GSK3B: variants seen among roughly 807,000 people sequenced by gnomAD.
GSK3B encodes glycogen synthase kinase 3 beta, also known as glycogen synthase kinase-3 beta.
In GSK3B, 15 loss-of-function variants were observed where a neutral mutation model predicts 56.4. The ratio of observed to expected loss-of-function variants is 0.27; its 90% confidence interval spans 0.18 to 0.41. The LOEUF (loss-of-function observed/expected upper bound fraction) is 0.41, where lower values mean the gene tolerates loss of function less well. Among genes scored for constraint, GSK3B ranks in the 10% least tolerant of loss-of-function variants. The probability of loss-of-function intolerance (pLI) is 1.00; values close to 1 mark genes in which losing one functional copy is unlikely to be tolerated. For synonymous variants in GSK3B, 181 were observed against 188.9 expected (o/e 0.96, Z 0.34); for missense variants, 300 against 513.4 (o/e 0.58, Z 4.02).
At chr3:120,087,250 C>T (rs1368998730) in intron 1 of GSK3B, among the ~76,000 whole-genome samples, 1 of 152,136 alleles carries the variant, frequency 6.6e-6, no homozygotes, top group Non-Finnish European at 1.5e-5. Flanking sequence ...CAATTTAGTT[C>T]GGCCACATGT....
At chr3:120,007,625 A>G (rs2057740861) in intron 1 of GSK3B, among the ~76,000 whole-genome samples, 1 of 152,246 alleles carries the variant, frequency 6.6e-6, no homozygotes, top group Non-Finnish European at 1.5e-5. Flanking sequence ...ATGCAAATCA[A>G]TAAATGTAAT....
intron 7 of GSK3B, among the ~76,000 whole-genome samples, chr3:119,886,762 A>C (rs1301549771): frequency 6.6e-6 from 1 of 152,174 alleles, no homozygotes; most frequent in Non-Finnish European, 1.5e-5. Flanking sequence ...AAATTACTGC[A>C]AGAATAGAAA....
intron 5 of GSK3B, 139 bp downstream of exon 5, chr3:119,915,905 C>T: frequency 1.8e-6 from 1 of 566,412 alleles, no homozygotes; most frequent in Admixed American, 3.3e-5. Context: ...CAAAACTACT[C>T]TCACAGCTGC....
intron 7 of GSK3B, among the ~76,000 whole-genome samples, chr3:119,904,769 G>C (rs557244034): frequency 6.6e-6 from 1 of 152,062 alleles, no homozygotes; most frequent in African/African-American, 2.4e-5. Context: ...CCATTTGTTA[G>C]GAATGTAACT....
chr3:119,880,034 G>A (rs957044167), intron 7 of GSK3B, among the ~76,000 whole-genome samples: 31 of 151,904 alleles, frequency 2.0e-4, no homozygotes, highest in Non-Finnish European at 3.8e-4. Context: ...GTTTTTTTAG[G>A]AGCCTCCAAA....
intron 2 of GSK3B, among the ~76,000 whole-genome samples, chr3:119,981,642 A>G (rs112789707): frequency 0.026 from 3,942 of 152,346 alleles, 175 homozygotes; most frequent in African/African-American, 0.089. Context: ...TGGCTGGGGA[A>G]GGGTGTCTGC....
chr3:119,979,548 G>A (rs2057440901), intron 2 of GSK3B, among the ~76,000 whole-genome samples: 1 of 152,198 alleles, frequency 6.6e-6, no homozygotes, highest in Admixed American at 6.5e-5. Context: ...AGTGGCTGGA[G>A]TTAAAGGCAC....
At chr3:119,999,251 T>C (rs1049694610) in intron 2 of GSK3B, among the ~76,000 whole-genome samples, 1 of 152,144 alleles carries the variant, frequency 6.6e-6, no homozygotes, top group African/African-American at 2.4e-5. Context: ...GATACTATGA[T>C]ATAGAAAGAG....
intron 2 of GSK3B, among the ~76,000 whole-genome samples, chr3:119,974,931 TACAAAA>T (rs1326583117): frequency 2.6e-4 from 39 of 152,320 alleles, no homozygotes; most frequent in Non-Finnish European, 2.4e-4. Context: ...AGCACTTGTT[TACAAAA>T]CTAAACTTAC....
At chr3:119,957,316 T>C (rs972344896) in intron 2 of GSK3B, among the ~76,000 whole-genome samples, 3 of 152,222 alleles carry the variant, frequency 2.0e-5, no homozygotes, top group African/African-American at 7.2e-5. Flanking sequence ...AGGACTCATG[T>C]ATGCTACTTT....
chr3:119,861,295 G>A (rs1368604633), intron 9 of GSK3B, among the ~76,000 whole-genome samples: 1 of 152,120 alleles, frequency 6.6e-6, no homozygotes, highest in Non-Finnish European at 1.5e-5. Context: ...CAGATCACCT[G>A]AGGTCAGGAG....
chr3:119,876,023 C>G (rs1386592735), intron 8 of GSK3B, among the ~76,000 whole-genome samples: 1 of 152,056 alleles, frequency 6.6e-6, no homozygotes, highest in African/African-American at 2.4e-5. Context: ...TATGTTTTAA[C>G]AGTTTAAAAG....
At chr3:119,925,062 C>T (rs2056877581) in intron 3 of GSK3B, among the ~76,000 whole-genome samples, 1 of 151,728 alleles carries the variant, frequency 6.6e-6, no homozygotes, top group Non-Finnish European at 1.5e-5. Context: ...GGCGTGGTGG[C>T]TTACGCCTGT....
intron 6 of GSK3B, among the ~76,000 whole-genome samples, chr3:119,906,729 T>G (rs1324826940): frequency 1.3e-5 from 2 of 152,100 alleles, no homozygotes; most frequent in Non-Finnish European, 2.9e-5. Context: ...AGGTTTTTAA[T>G]GTACCAACAC....
At chr3:120,078,018 T>G (rs1026172565) in intron 1 of GSK3B, among the ~76,000 whole-genome samples, 23 of 152,036 alleles carry the variant, frequency 1.5e-4, no homozygotes, top group Admixed American at 1.5e-3. Flanking sequence ...GGAATGAGAG[T>G]GCTTGGCACA....
intron 7 of GSK3B, among the ~76,000 whole-genome samples, chr3:119,890,457 A>G (rs2056489166): frequency 6.6e-6 from 1 of 152,152 alleles, no homozygotes; most frequent in Non-Finnish European, 1.5e-5. Context: ...ATCAATGATC[A>G]CCTGAGACAG....
chr3:119,878,520 T>C (rs1332628771), intron 7 of GSK3B, among the ~76,000 whole-genome samples: 1 of 152,172 alleles, frequency 6.6e-6, no homozygotes, highest in Non-Finnish European at 1.5e-5. Context: ...AAATGTGAAA[T>C]GGTATATAGC....
intron 1 of GSK3B, among the ~76,000 whole-genome samples, chr3:120,016,801 T>G (rs2057831625): frequency 6.6e-6 from 1 of 152,194 alleles, no homozygotes. Context: ...CAGTCTGAAC[T>G]TAAATATTAT....
At chr3:119,886,296 C>G (rs191892559) in intron 7 of GSK3B, among the ~76,000 whole-genome samples, 1 of 152,072 alleles carries the variant, frequency 6.6e-6, no homozygotes, top group Admixed American at 6.5e-5. Flanking sequence ...AAAAATGCTT[C>G]ACATCACTAA....
Sources: gnomAD v4.1 joint callset for allele counts (sites outside exome capture counted in the v4.1 genomes callset) on GRCh38, gnomAD v4.1.1 for gene constraint, MANE v1.5 for transcripts, NCBI Gene and HGNC (gene_info 2026-07-23, HGNC 2026-07-21) for gene names.